The following GNRHR variants were observed in gnomAD, a reference collection of about 807,000 sequenced individuals.
The protein encoded by GNRHR is gonadotropin-releasing hormone receptor.
GNRHR carries 14 observed loss-of-function variants against 28.1 expected under a neutral mutation model. The ratio of observed to expected loss-of-function variants is 0.50; its 90% CI spans 0.33 to 0.78. The LOEUF is 0.78. Among genes scored for constraint, GNRHR ranks in the 30% least tolerant of loss-of-function variants. GNRHR has a pLI of 0.02. For synonymous variants in GNRHR, 141 were observed against 140.5 expected (o/e 1.00, Z -0.02); for missense variants, 366 against 382.1 (o/e 0.96, Z 0.35).
chr4:67,744,390 T>C (rs1266544268), intron 2 of GNRHR, among the ~76,000 whole-genome samples, 178 bp downstream of exon 2: 1 of 152,224 alleles, frequency 6.6e-6, no homozygotes, highest in Non-Finnish European at 1.5e-5. Context: ...TATCTGTAAA[T>C]TGATTATGAT....
At chr4:67,743,825 A>T (rs907234490) in intron 2 of GNRHR, among the ~76,000 whole-genome samples, 4 of 152,164 alleles carry the variant, frequency 2.6e-5, no homozygotes, top group African/African-American at 9.6e-5. Flanking sequence ...GAAACTGCCC[A>T]ATTCCCTATT....
chr4:67,752,818 G>A (rs115056159), intron 1 of GNRHR, among the ~76,000 whole-genome samples: 1 of 150,320 alleles, frequency 6.7e-6, no homozygotes, highest in Non-Finnish European at 1.5e-5. Context: ...TGTTGTTGTT[G>A]TTTTTTAACC....
intron 1 of GNRHR, among the ~76,000 whole-genome samples, chr4:67,748,966 T>C (rs1731816379): frequency 6.6e-6 from 1 of 152,112 alleles, no homozygotes; most frequent in South Asian, 2.1e-4. Context: ...AAATATTGCA[T>C]GTAAAAGCTT....
At chr4:67,742,153 A>C (rs1731672581) in intron 2 of GNRHR, among the ~76,000 whole-genome samples, 1 of 152,100 alleles carries the variant, frequency 6.6e-6, no homozygotes, top group Non-Finnish European at 1.5e-5. Flanking sequence ...GGGTTTTTCC[A>C]ATGTTATCTT....
chr4:67,753,149 T>C (rs1310275974), intron 1 of GNRHR, among the ~76,000 whole-genome samples: 7 of 152,230 alleles, frequency 4.6e-5, no homozygotes, highest in Non-Finnish European at 8.8e-5. Context: ...GTCAGTCATA[T>C]GGCTTTCTCA....
intron 1 of GNRHR, 60 bp from the exon 2 acceptor site, chr4:67,744,847 CT>C: frequency 5.3e-6 from 5 of 940,838 alleles, no homozygotes; most frequent in Non-Finnish European, 8.7e-6. Flanking sequence ...AAAGTTTTCT[CT>C]TTGGTACTCT....
At chr4:67,751,508 G>A (rs1731865221) in intron 1 of GNRHR, among the ~76,000 whole-genome samples, 1 of 152,128 alleles carries the variant, frequency 6.6e-6, no homozygotes, top group East Asian at 1.9e-4. Flanking sequence ...AATCTCTCTA[G>A]TAATGTATTT....
rs551633409 is a variant in GNRHR, at chr4:67,742,967, T to C, written c.742+1601A>G. On this transcript the variant is annotated intron_variant, in intron 2 of 2. Coordinates refer to ENST00000226413, the MANE Select transcript of GNRHR (RefSeq NM_000406.3). ...GCTCTTTTCACATACTATTCTTTTT[T>C]TTTTTCCTGAGTTTCGCTCTTGCTG... Among the ~76,000 whole-genome samples, 11 of 152,302 alleles carry C rather than the reference T, an allele frequency of 7.2e-5. 1 individual carries two copies. The South Asian group carries it at 2.1e-3, about 29-fold the overall frequency.
intron 1 of GNRHR, among the ~76,000 whole-genome samples, chr4:67,748,726 AAAAT>A (rs1553913887): frequency 6.8e-6 from 1 of 147,852 alleles, no homozygotes; most frequent in Non-Finnish European, 1.5e-5. Context: ...TAATAATAAT[AAAAT>A]AAATAAATAA....
Position 67,753,794 on chromosome 4 carries a change from G to A in GNRHR, c.522+20C>T. 1 of 1,595,126 alleles carries A rather than the reference G, an allele frequency of 6.3e-7. No individual in the cohort carries two copies. Among genetic ancestry groups the A allele is most frequent in the Non-Finnish European group, 8.6e-7 (1 of 1,164,396 alleles). On this transcript the variant is annotated intron_variant, in intron 1 of 2. Transcript: ENST00000226413. Reference sequence around the variant, plus strand: ...ATCTATGATCACCATATCCAAATAAGTTTGTGTATAATGGCTTACCTGTGG... The same window carrying A: ...ATCTATGATCACCATATCCAAATAAATTTGTGTATAATGGCTTACCTGTGG...
Position 67,744,635 on chromosome 4 carries a change from G to T in GNRHR, c.675C>A (p.Phe225Leu). The T allele has an allele frequency of 6.2e-7, 1 of 1,613,530 alleles. No homozygotes were observed. The highest frequency in any genetic ancestry group is 8.5e-7 in the Non-Finnish European group (1 of 1,179,430). Residue 225 changes from phenylalanine (F) to leucine (L), a missense_variant, in exon 2 of 3, where the codon TTC (phenylalanine) becomes TTA (leucine). Physicochemically the swap from Phe to Leu is conservative, Grantham distance 22. Coordinates refer to ENST00000226413, the MANE Select transcript of GNRHR (RefSeq NM_000406.3). ...TTTTTGCATTGCAGATCAGCATGATGAAAAGAGGGATGATGAAGAGGCAGC... is the reference window on the plus strand; with the variant it reads ...TTTTTGCATTGCAGATCAGCATGATTAAAAGAGGGATGATGAAGAGGCAGC... ...TFSCLFIIPL[F>L]IMLICNAKII...
At chr4:67,750,233 T>C (rs1731841794) in intron 1 of GNRHR, among the ~76,000 whole-genome samples, 1 of 152,112 alleles carries the variant, frequency 6.6e-6, no homozygotes, top group Non-Finnish European at 1.5e-5. Flanking sequence ...TCCCATTGGC[T>C]TTTGAACTTT....
rs760188660 is a variant in GNRHR, at chr4:67,739,130, T to C, written c.*1350A>G. On this transcript the variant is annotated 3_prime_UTR_variant, in exon 3 of 3. Coordinates refer to ENST00000226413, the MANE Select transcript of GNRHR (RefSeq NM_000406.3). ...AATGGCTTAATTTCTTTTAAGACTC[T>C]TATGTTTTTCACATTAAATGGGTAT... Among the ~76,000 whole-genome samples the C allele has an allele frequency of 6.6e-6, 1 of 152,046 alleles. No homozygotes were observed. Among genetic ancestry groups the C allele is most frequent in the Non-Finnish European group, 1.5e-5 (1 of 67,908 alleles).
At chr4:67,749,462 C>G (rs754125942) in intron 1 of GNRHR, among the ~76,000 whole-genome samples, 3 of 152,092 alleles carry the variant, frequency 2.0e-5, no homozygotes, top group Non-Finnish European at 2.9e-5. Context: ...TATTAAATGA[C>G]TCTTATTAGA....
chr4:67,744,980 T>G (rs1731729555), intron 1 of GNRHR, among the ~76,000 whole-genome samples, 193 bp from the exon 2 acceptor site: 1 of 152,166 alleles, frequency 6.6e-6, no homozygotes, highest in African/African-American at 2.4e-5. Flanking sequence ...TGTCAATAGA[T>G]CTGTAAGATT....
At chr4:67,747,791 C>A (rs1428255836) in intron 1 of GNRHR, among the ~76,000 whole-genome samples, 1 of 151,996 alleles carries the variant, frequency 6.6e-6, no homozygotes, top group African/African-American at 2.4e-5. Context: ...GCAGTTATAT[C>A]CTTCAATCAG....
At position 67,753,841 on chromosome 4, in the gene GNRHR, G is replaced by T; in HGVS notation, c.495C>A (p.Ile165=). The T allele has an allele frequency of 6.2e-7, 1 of 1,613,622 alleles. No individual in the cohort carries two copies. Among genetic ancestry groups the T allele is most frequent in the South Asian group, 1.1e-5 (1 of 91,030 alleles). Residue 165 remains isoleucine, a synonymous_variant, in exon 1 of 3, where the codon ATC becomes ATA. Coordinates refer to ENST00000226413, the MANE Select transcript of GNRHR (RefSeq NM_000406.3). ...VGQSMVGLAW[I]LSSVFAGPQL... ...GTGGTCCTGCAAAGACACTACTGAG[G>T]ATCCAGGCCAGGCCAACCATGGACT... is the stretch of plus-strand genomic sequence containing the variant.
intron 1 of GNRHR, among the ~76,000 whole-genome samples, chr4:67,752,829 A>G (rs573127156): frequency 4.0e-4 from 61 of 151,870 alleles, no homozygotes; most frequent in Middle Eastern, 3.4e-3. Flanking sequence ...TTTTTTAACC[A>G]TCTGGTCAGT....
At chr4:67,752,851 T>C (rs963997797) in intron 1 of GNRHR, among the ~76,000 whole-genome samples, 11 of 152,156 alleles carry the variant, frequency 7.2e-5, no homozygotes, top group African/African-American at 2.7e-4. Context: ...AAAAAAAGTC[T>C]AGATAAATTT....
Sources: gnomAD v4.1 joint callset for allele counts (sites outside exome capture counted in the v4.1 genomes callset) on GRCh38, gnomAD v4.1.1 for gene constraint, MANE v1.5 for transcripts, NCBI Gene and HGNC (gene_info 2026-07-23, HGNC 2026-07-21) for gene names.